ELOVL7: variants seen among roughly 807,000 people sequenced by gnomAD.
ELOVL7 encodes ELOVL fatty acid elongase 7.
In ELOVL7, 27 loss-of-function variants were observed where a neutral mutation model predicts 35.7. The observed-to-expected ratio is 0.76, with a 90% CI of 0.56 to 1.04. The LOEUF (loss-of-function observed/expected upper bound fraction) is 1.04. Among genes scored for constraint, ELOVL7 ranks in the 50% least tolerant of loss-of-function variants. ELOVL7 has a pLI of 0.00. For synonymous variants in ELOVL7, 113 were observed against 114.6 expected (o/e 0.99, Z 0.09); for missense variants, 327 against 340.8 (o/e 0.96, Z 0.32).
chr5:60,798,126 G>A (rs996184450), intron 2 of ELOVL7, among the ~76,000 whole-genome samples: 1 of 152,070 alleles, frequency 6.6e-6, no homozygotes, highest in African/African-American at 2.4e-5. Flanking sequence ...ACTAAGCTGT[G>A]CCCCGACCAC....
chr5:60,797,939 C>A lies in ELOVL7; in HGVS notation c.-35+1241G>T, dbSNP rs111459597. On this transcript the variant is annotated intron_variant, in intron 2 of 8. Coordinates refer to ENST00000508821, the MANE Select transcript of ELOVL7 (RefSeq NM_024930.3). ...GATTGCCTCTTTTGAAAAGGTTAAT[C>A]GGAAACTCAAAAGAATGCAAGCAAC... Among the ~76,000 whole-genome samples the A allele has an allele frequency of 8.5e-5, 13 of 152,284 alleles. No homozygotes were observed. The East Asian group carries it at 1.9e-3, about 23-fold the overall frequency.
intron 3 of ELOVL7, among the ~76,000 whole-genome samples, chr5:60,784,421 G>A (rs1313566247): frequency 6.6e-6 from 1 of 152,074 alleles, no homozygotes; most frequent in Non-Finnish European, 1.5e-5. Context: ...TGCTACCATA[G>A]CATTATTTCA....
At chr5:60,837,647 G>A (rs1490267985) in intron 1 of ELOVL7, among the ~76,000 whole-genome samples, 3 of 152,022 alleles carry the variant, frequency 2.0e-5, no homozygotes, top group Admixed American at 2.0e-4. Flanking sequence ...GCATAATCAA[G>A]ATATCTAATG....
chr5:60,822,304 G>A (rs72757146), intron 1 of ELOVL7, among the ~76,000 whole-genome samples: 79 of 152,304 alleles, frequency 5.2e-4, no homozygotes, highest in Non-Finnish European at 7.1e-4. Flanking sequence ...TCATAAGCTC[G>A]ATATGTAAAA....
intron 7 of ELOVL7, among the ~76,000 whole-genome samples, chr5:60,759,129 C>T (rs1412177158): frequency 6.6e-6 from 1 of 152,084 alleles, no homozygotes; most frequent in African/African-American, 2.4e-5. Flanking sequence ...GTTAAAATAA[C>T]CTGTTTTAAA....
At chr5:60,807,568 T>C (rs1025652115) in intron 1 of ELOVL7, among the ~76,000 whole-genome samples, 4 of 145,744 alleles carry the variant, frequency 2.7e-5, no homozygotes, top group Non-Finnish European at 6.0e-5. Context: ...ACAAATAAAC[T>C]GTGGGGGGAA....
At position 60,771,024 on chromosome 5, in the gene ELOVL7, G is replaced by A. The variant is rs575066536; in HGVS notation, c.255+879C>T. ...CAGCCACAGTAGATTTAAAGTGATC[G>A]ATATGATGGATCTGTAGCAAGAGTC... On this transcript the variant is annotated intron_variant, in intron 4 of 8. Transcript: ENST00000508821. Among the ~76,000 whole-genome samples, 72 of 152,258 alleles carry A rather than the reference G, an allele frequency of 4.7e-4. 1 individual carries two copies. In the South Asian group the frequency reaches 0.011, roughly 23 times the overall value.
At chr5:60,802,077 T>G (rs865985468) in intron 1 of ELOVL7, among the ~76,000 whole-genome samples, 1 of 10,602 alleles carries the variant, frequency 9.4e-5, no homozygotes, top group East Asian at 0.012. Flanking sequence ...TATATATATA[T>G]ATATATATAT....
chr5:60,834,124 A>C (rs1042972965), intron 1 of ELOVL7, among the ~76,000 whole-genome samples: 1 of 152,184 alleles, frequency 6.6e-6, no homozygotes, highest in Admixed American at 6.5e-5. Context: ...AGCAGCTCTA[A>C]GTTCTACATA....
Position 60,802,412 on chromosome 5 carries a change from G to A in ELOVL7, c.-85-3182C>T, listed in dbSNP as rs558414338. Among the ~76,000 whole-genome samples, 3 of 152,162 alleles carry A rather than the reference G, an allele frequency of 2.0e-5. No individual in the cohort carries two copies. The East Asian group carries it at 5.8e-4, about 29-fold the overall frequency. ...CATTCTCAGACATGACGACACCCAT[G>A]ACAACATGAGCAACAGGCATAAAAT... On this transcript the variant is annotated intron_variant, in intron 1 of 8. Transcript: ENST00000508821.
At chr5:60,802,626 C>T (rs1176112041) in intron 1 of ELOVL7, 1 of 152,150 alleles carries the variant, frequency 6.6e-6, no homozygotes, top group South Asian at 2.1e-4. Flanking sequence ...TGTAAACTAA[C>T]CTTTTATATC....
chr5:60,801,765 T>C (rs1456115842), intron 1 of ELOVL7, among the ~76,000 whole-genome samples: 1 of 151,470 alleles, frequency 6.6e-6, no homozygotes, highest in Non-Finnish European at 1.5e-5. Context: ...GATAAGCAGC[T>C]TGCTGAGTCT....
Position 60,784,152 on chromosome 5 carries a change from T to C in ELOVL7, c.64+3182A>G, listed in dbSNP as rs556542259. The C allele has an allele frequency of 2.0e-5, 30 of 1,520,700 alleles. No individual in the cohort carries two copies. In the South Asian group the frequency reaches 2.7e-4, roughly 14 times the overall value. The allele number at this position is 1,520,700 out of a possible 1,614,324, so 94.2% of individuals were successfully genotyped here. ...TCTAAGAGAGTATTCTCTTCTTAAG[T>C]AGCAGGTACTGGCTCAAAGAGTACA... On this transcript the variant is annotated intron_variant, in intron 3 of 8. Transcript: ENST00000508821.
intron 1 of ELOVL7, among the ~76,000 whole-genome samples, chr5:60,836,713 C>T (rs1746817788): frequency 6.6e-6 from 1 of 151,888 alleles, no homozygotes; most frequent in Non-Finnish European, 1.5e-5. Context: ...AAATCACAAG[C>T]GTGCTATTAG....
At chr5:60,802,343 C>G (rs1286239052) in intron 1 of ELOVL7, among the ~76,000 whole-genome samples, 1 of 151,922 alleles carries the variant, frequency 6.6e-6, no homozygotes, top group Non-Finnish European at 1.5e-5. Context: ...TGGGAAAATT[C>G]TGATGGGCCA....
chr5:60,792,755 C>T (rs921861406), intron 2 of ELOVL7, among the ~76,000 whole-genome samples: 3 of 152,172 alleles, frequency 2.0e-5, no homozygotes, highest in African/African-American at 7.2e-5. Flanking sequence ...CTTTAGTTAA[C>T]AGCAGAACCA....
intron 1 of ELOVL7, among the ~76,000 whole-genome samples, chr5:60,814,453 CCAA>C (rs1490612018): frequency 6.6e-6 from 1 of 152,110 alleles, no homozygotes; most frequent in Admixed American, 6.5e-5. Flanking sequence ...TCCCCTGAAA[CCAA>C]CTATTGTCTC....
Position 60,751,975 on chromosome 5 carries a change from A to G in ELOVL7, c.*2649T>C, listed in dbSNP as rs569763693. ...AAGTCCCATAGATATTTAAAAATCT[A>G]TATTTGTATTTATTTATAATATAGA... is the stretch of plus-strand genomic sequence containing the variant. On this transcript the variant is annotated 3_prime_UTR_variant, in exon 9 of 9. Coordinates refer to ENST00000508821, the MANE Select transcript of ELOVL7 (RefSeq NM_024930.3). 4.6e-5 allele frequency: 7 copies of G among 152,280 alleles called. No homozygotes were observed. Among genetic ancestry groups the G allele is most frequent in the African/African-American group, 1.2e-4 (5 of 41,568 alleles). The allele number at this position is 152,280 out of a possible 1,614,324, so 9.4% of individuals were successfully genotyped here.
chr5:60,787,222 G>T, intron 3 of ELOVL7, 112 bp downstream of exon 3: 1 of 819,034 alleles, frequency 1.2e-6, no homozygotes. Context: ...CTAGTAATAA[G>T]GGACTGTTAA....
Sources: gnomAD v4.1 joint callset for allele counts (sites outside exome capture counted in the v4.1 genomes callset) on GRCh38, gnomAD v4.1.1 for gene constraint, MANE v1.5 for transcripts, NCBI Gene and HGNC (gene_info 2026-07-23, HGNC 2026-07-21) for gene names.